Variants in OXCT1 observed in about 807,000 individuals in gnomAD.
OXCT1 encodes 3-oxoacid CoA-transferase 1.
In OXCT1, 27 loss-of-function variants were observed where a neutral mutation model predicts 69.6. The observed-to-expected ratio is 0.39, with a 90% CI of 0.29 to 0.54. The LOEUF (loss-of-function observed/expected upper bound fraction) is 0.54. Ranked by LOEUF, OXCT1 falls within the 20% of genes least tolerant of loss-of-function variation. OXCT1 has a pLI of 0.72. For synonymous variants in OXCT1, 202 were observed against 217.8 expected (o/e 0.93, Z 0.64); for missense variants, 437 against 650.2 (o/e 0.67, Z 3.57).
intron 8 of OXCT1, 55 bp downstream of exon 8, chr5:41,807,276 G>A: frequency 1.1e-6 from 1 of 936,694 alleles, no homozygotes; most frequent in Non-Finnish European, 1.8e-6. Flanking sequence ...CCCCAGGGAT[G>A]CACTATCTCT....
chr5:41,837,045 G>T (rs1239198242), intron 7 of OXCT1, among the ~76,000 whole-genome samples: 1 of 152,132 alleles, frequency 6.6e-6, no homozygotes, highest in Non-Finnish European at 1.5e-5. Flanking sequence ...AAAAAAGCAA[G>T]ATGTATGTTC....
intron 3 of OXCT1, among the ~76,000 whole-genome samples, chr5:41,858,418 C>T (rs1211529363): frequency 1.3e-5 from 2 of 152,162 alleles, no homozygotes; most frequent in African/African-American, 4.8e-5. Flanking sequence ...ATTAAACCAT[C>T]TTATAGCTCT....
At chr5:41,855,403 T>C (rs1749383279) in intron 3 of OXCT1, among the ~76,000 whole-genome samples, 1 of 152,208 alleles carries the variant, frequency 6.6e-6, no homozygotes, top group South Asian at 2.1e-4. Flanking sequence ...GATGTTCACT[T>C]TTCTATATTA....
intron 16 of OXCT1, among the ~76,000 whole-genome samples, chr5:41,731,988 C>T (rs1268718362): frequency 2.6e-5 from 4 of 152,216 alleles, no homozygotes; most frequent in East Asian, 1.9e-4. Flanking sequence ...GTATTAGCTC[C>T]TAAATTAAGG....
chr5:41,843,598 G>A (rs912136949), intron 5 of OXCT1: 7 of 455,784 alleles, frequency 1.5e-5, no homozygotes, highest in South Asian at 4.6e-5. Context: ...TATTCTTGAC[G>A]GTTTATTTCC....
chr5:41,847,689 A>G (rs1346277351), intron 5 of OXCT1, among the ~76,000 whole-genome samples: 1 of 152,236 alleles, frequency 6.6e-6, no homozygotes, highest in Admixed American at 6.5e-5. Flanking sequence ...CCACATGATT[A>G]TCTCAATAGA....
chr5:41,827,104 T>A (rs1468150015), intron 7 of OXCT1, among the ~76,000 whole-genome samples: 1 of 152,182 alleles, frequency 6.6e-6, no homozygotes, highest in Non-Finnish European at 1.5e-5. Flanking sequence ...ATCAGTCTCC[T>A]CATTGGTCTG....
intron 5 of OXCT1, among the ~76,000 whole-genome samples, chr5:41,848,490 A>C (rs1749030400): frequency 1.4e-5 from 2 of 145,470 alleles, no homozygotes; most frequent in African/African-American, 2.5e-5. Flanking sequence ...ATCCTAAGCC[A>C]AAAGAACAAA....
At chr5:41,734,870 C>T (rs1388194872) in intron 16 of OXCT1, among the ~76,000 whole-genome samples, 1 of 152,078 alleles carries the variant, frequency 6.6e-6, no homozygotes, top group Non-Finnish European at 1.5e-5. Context: ...GAGAACATCA[C>T]CAGATAAATG....
intron 9 of OXCT1, among the ~76,000 whole-genome samples, chr5:41,805,022 A>G (rs1314720270): frequency 6.6e-6 from 1 of 152,140 alleles, no homozygotes; most frequent in African/African-American, 2.4e-5. Flanking sequence ...AATTGCATTA[A>G]TTATGTCTAC....
At chr5:41,858,433 T>A (rs1579896307) in intron 3 of OXCT1, among the ~76,000 whole-genome samples, 2 of 152,214 alleles carry the variant, frequency 1.3e-5, no homozygotes, top group Non-Finnish European at 2.9e-5. Flanking sequence ...AGCTCTTTAA[T>A]ACTAAAGACA....
At chr5:41,829,259 C>T (rs1747976148) in intron 7 of OXCT1, among the ~76,000 whole-genome samples, 1 of 152,062 alleles carries the variant, frequency 6.6e-6, no homozygotes, top group Non-Finnish European at 1.5e-5. Flanking sequence ...ATATTTATAA[C>T]ATTTAAAAGC....
rs79761436 is a variant in OXCT1 at position 41,823,871 on chromosome 5, G to T, written c.733-16433C>A. Among the ~76,000 whole-genome samples the T allele has an allele frequency of 3.8e-3, 577 of 152,200 alleles. 2 individuals are homozygous for T. The highest frequency in any genetic ancestry group is 0.013 in the African/African-American group (556 of 41,520). On this transcript the variant is annotated intron_variant, in intron 7 of 16. Coordinates refer to ENST00000196371, the MANE Select transcript of OXCT1 (RefSeq NM_000436.4). The stretch of plus-strand genomic sequence containing the variant: ...GAAGGTTCTCATTTTACAGCTTTTA[G>T]GAGATTATCCTATTTCATATTTTCT...
intron 3 of OXCT1, among the ~76,000 whole-genome samples, chr5:41,857,145 T>A (rs902912876): frequency 6.6e-6 from 1 of 152,146 alleles, no homozygotes; most frequent in Non-Finnish European, 1.5e-5. Flanking sequence ...TCTCACTCTC[T>A]CCTTGGTACT....
At chr5:41,849,316 G>T (rs533764645) in intron 5 of OXCT1, among the ~76,000 whole-genome samples, 24 of 152,286 alleles carry the variant, frequency 1.6e-4, no homozygotes, top group South Asian at 4.1e-4. Context: ...TCTGCAACCT[G>T]TGTTAACTTT....
chr5:41,866,461 A>T (rs1749979732), intron 1 of OXCT1, among the ~76,000 whole-genome samples: 1 of 152,246 alleles, frequency 6.6e-6, no homozygotes, highest in African/African-American at 2.4e-5. Context: ...AGTTTGAGAA[A>T]CAAAAGTGGG....
At position 41,770,384 on chromosome 5, in the gene OXCT1, A is replaced by C. The variant is rs1579700336; in HGVS notation, c.1249-8184T>G. ...GTGTCCTTCAAAATTGACCCTACTA[A>C]GGACATTTTTTAAATATCTTCTTCA... On this transcript the variant is annotated intron_variant, in intron 13 of 16. Coordinates refer to ENST00000196371, the MANE Select transcript of OXCT1 (RefSeq NM_000436.4). Among the ~76,000 whole-genome samples the C allele has an allele frequency of 2.0e-5, 3 of 152,310 alleles. No individual in the cohort carries two copies. In the South Asian group the frequency reaches 6.2e-4, roughly 32 times the overall value.
At chr5:41,736,127 A>G (rs1742872931) in intron 16 of OXCT1, among the ~76,000 whole-genome samples, 1 of 152,244 alleles carries the variant, frequency 6.6e-6, no homozygotes, top group Non-Finnish European at 1.5e-5. Context: ...AATCCCCAAG[A>G]AACAGCAAAG....
intron 3 of OXCT1, among the ~76,000 whole-genome samples, chr5:41,859,170 A>G (rs185069943): frequency 6.6e-6 from 1 of 152,164 alleles, no homozygotes; most frequent in Non-Finnish European, 1.5e-5. Flanking sequence ...GATCAGATAG[A>G]TTGCTGCAGT....
Sources: allele counts gnomAD v4.1 joint callset (sites outside exome capture counted in the v4.1 genomes callset), GRCh38; gene constraint gnomAD v4.1.1; transcripts MANE v1.5; gene names NCBI Gene and HGNC (gene_info 2026-07-23, HGNC 2026-07-21).